PARD3B: variants seen among roughly 807,000 people sequenced by gnomAD.
The protein encoded by PARD3B is partitioning defective 3 homolog B.
Under a neutral mutation model 130.2 loss-of-function variants are expected in PARD3B, and 103 were observed. The ratio of observed to expected loss-of-function variants is 0.79; its 90% confidence interval spans 0.67 to 0.93. The LOEUF is 0.93. Ranked by LOEUF, PARD3B falls within the 40% of genes least tolerant of loss-of-function variation. The probability of loss-of-function intolerance (pLI) is 0.00; values close to 1 mark genes in which losing one functional copy is unlikely to be tolerated. For missense variants in PARD3B, 1,609 were observed against 1,499.2 expected, an observed-to-expected ratio of 1.07 and a Z score of -1.21; for synonymous variants, 583 against 553.2, an observed-to-expected ratio of 1.05 and a Z score of -0.76.
intron 4 of PARD3B, among the ~76,000 whole-genome samples, chr2:205,063,130 A>C (rs1474592727): frequency 6.6e-6 from 1 of 152,106 alleles, no homozygotes; most frequent in Non-Finnish European, 1.5e-5. Flanking sequence ...AAACTACCAA[A>C]GTAACCGTTT....
At chr2:205,168,973 G>T (rs1206157414) in intron 11 of PARD3B, among the ~76,000 whole-genome samples, 2 of 152,124 alleles carry the variant, frequency 1.3e-5, no homozygotes, top group African/African-American at 4.8e-5. Flanking sequence ...CTGTGGAAGT[G>T]CCTTTTCCTA....
At chr2:204,657,713 T>C (rs1373764301) in intron 1 of PARD3B, among the ~76,000 whole-genome samples, 2 of 152,164 alleles carry the variant, frequency 1.3e-5, no homozygotes, top group Non-Finnish European at 2.9e-5. Context: ...AATATTTGAA[T>C]ATTATATTTA....
intron 20 of PARD3B, among the ~76,000 whole-genome samples, chr2:205,448,734 G>A (rs1161055892): frequency 1.3e-5 from 2 of 151,780 alleles, no homozygotes; most frequent in Non-Finnish European, 2.9e-5. Flanking sequence ...ACACTCTTTG[G>A]GATCTTCAGT....
intron 15 of PARD3B, among the ~76,000 whole-genome samples, chr2:205,232,763 T>TA (rs1462918983): frequency 6.6e-6 from 1 of 152,104 alleles, no homozygotes; most frequent in Middle Eastern, 3.2e-3. Context: ...AGATGTAAAA[T>TA]ACTCTGGATG....
rs560615705 is a variant in PARD3B, at chr2:205,429,147, A to G, written c.2742-11223A>G. Among the ~76,000 whole-genome samples the G allele has an allele frequency of 7.2e-5, 11 of 152,340 alleles. No homozygotes were observed. In the East Asian group the frequency reaches 1.9e-3, roughly 27 times the overall value. ...ATTGAATAAAAATCCTAAATATGTT[A>G]TTACAAATGTGTATTATATATTATG... On this transcript the variant is annotated intron_variant, in intron 19 of 22. Transcript: ENST00000406610.
chr2:204,788,503 T>A (rs1489381703), intron 2 of PARD3B, among the ~76,000 whole-genome samples: 4 of 152,248 alleles, frequency 2.6e-5, no homozygotes, highest in African/African-American at 9.6e-5. Context: ...GTGCAGATGA[T>A]CTTTTCTTAT....
intron 18 of PARD3B, among the ~76,000 whole-genome samples, chr2:205,308,293 T>C (rs943199672): frequency 1.3e-5 from 2 of 151,934 alleles, no homozygotes; most frequent in Non-Finnish European, 2.9e-5. Flanking sequence ...AACTTTTGAG[T>C]TCATTGTGGT....
chr2:205,376,124 C>T (rs987081260), intron 18 of PARD3B, among the ~76,000 whole-genome samples: 1 of 152,108 alleles, frequency 6.6e-6, no homozygotes, highest in Non-Finnish European at 1.5e-5. Flanking sequence ...TAGATTATCC[C>T]ATTTAACTTT....
chr2:205,204,900 T>C (rs10169839), intron 15 of PARD3B, among the ~76,000 whole-genome samples: 4,351 of 152,270 alleles, frequency 0.029, 90 homozygotes, highest in East Asian at 0.081. Context: ...CCAGCTTTGT[T>C]CTTTTTGCTT....
chr2:205,443,685 G>A (rs1329053981), intron 20 of PARD3B, among the ~76,000 whole-genome samples: 4 of 152,190 alleles, frequency 2.6e-5, no homozygotes, highest in Non-Finnish European at 4.4e-5. Flanking sequence ...GCCTGAAAGA[G>A]CAGGCCTGTT....
intron 21 of PARD3B, among the ~76,000 whole-genome samples, chr2:205,546,451 T>G (rs1198671947): frequency 6.6e-6 from 1 of 152,038 alleles, no homozygotes; most frequent in Non-Finnish European, 1.5e-5. Context: ...GATAAAGGGA[T>G]TTAAAAAAAA....
At chr2:205,419,599 G>A (rs962609146) in intron 19 of PARD3B, among the ~76,000 whole-genome samples, 1 of 152,108 alleles carries the variant, frequency 6.6e-6, no homozygotes, top group Non-Finnish European at 1.5e-5. Context: ...AAAAAAACAA[G>A]TTCCATATTA....
intron 5 of PARD3B, 51 bp from the exon 6 acceptor site, chr2:205,113,440 C>G: frequency 7.7e-7 from 1 of 1,305,440 alleles, no homozygotes; most frequent in Non-Finnish European, 1.1e-6. Flanking sequence ...GATGTGCTCC[C>G]TCTGTTTTTT....
intron 18 of PARD3B, among the ~76,000 whole-genome samples, chr2:205,372,274 A>G (rs1329004643): frequency 6.6e-6 from 1 of 152,220 alleles, no homozygotes; most frequent in Non-Finnish European, 1.5e-5. Flanking sequence ...CCATCCCACC[A>G]GCAGGGTATG....
At chr2:204,714,296 T>G (rs2038612552) in intron 2 of PARD3B, among the ~76,000 whole-genome samples, 1 of 152,164 alleles carries the variant, frequency 6.6e-6, no homozygotes, top group Non-Finnish European at 1.5e-5. Flanking sequence ...TTTGTGTACA[T>G]TAGTACTCTT....
At chr2:205,583,811 T>TA (rs2054093529) in intron 22 of PARD3B, among the ~76,000 whole-genome samples, 1 of 152,208 alleles carries the variant, frequency 6.6e-6, no homozygotes, top group Non-Finnish European at 1.5e-5. Context: ...TTCCTTTTCC[T>TA]GTCTTACATC....
intron 20 of PARD3B, among the ~76,000 whole-genome samples, chr2:205,441,215 G>T (rs1252635445): frequency 6.6e-6 from 1 of 152,122 alleles, no homozygotes; most frequent in Non-Finnish European, 1.5e-5. Context: ...AATAATCTTG[G>T]CAATAGGAGT....
chr2:204,907,455 A>G lies in PARD3B; in HGVS notation c.223-57697A>G, dbSNP rs925057438. Among the ~76,000 whole-genome samples, 4 of 152,176 alleles carry G rather than the reference A, an allele frequency of 2.6e-5. No individual in the cohort carries two copies. Among genetic ancestry groups the G allele is most frequent in the African/African-American group, 9.7e-5 (4 of 41,442 alleles). ...AAATTCCTCTGGAGGAAAATTCCCA[A>G]TGCAGCTAATTTCTCTGGAGCCCCC... On this transcript the variant is annotated intron_variant, in intron 2 of 22. Transcript: ENST00000406610. The surrounding 1 kb of genome is among the most constrained non-coding windows in gnomAD (Gnocchi z 5.7).
intron 20 of PARD3B, among the ~76,000 whole-genome samples, chr2:205,462,101 G>C (rs2048471728): frequency 6.6e-6 from 1 of 152,190 alleles, no homozygotes; most frequent in Non-Finnish European, 1.5e-5. Flanking sequence ...AGTGACTAAA[G>C]AAATGGGTTT....
Sources: gnomAD v4.1 joint callset for allele counts (sites outside exome capture counted in the v4.1 genomes callset) on GRCh38, gnomAD v4.1.1 for gene constraint, Gnocchi (gnomAD v3.1) non-coding constraint, MANE v1.5 for transcripts, NCBI Gene and HGNC (gene_info 2026-07-23, HGNC 2026-07-21) for gene names.